The following COL5A1 variants were observed in gnomAD, a reference collection of about 807,000 sequenced individuals.
COL5A1 encodes the protein collagen type V alpha 1 chain.
Under a neutral mutation model 263.7 loss-of-function variants are expected in COL5A1, and 16 were observed. That is an observed-to-expected ratio of 0.06 (90% confidence interval 0.04 to 0.09). COL5A1 has a LOEUF of 0.09. Among genes scored for constraint, COL5A1 ranks in the 10% least tolerant of loss-of-function variants. The pLI is 1.00. For synonymous variants in COL5A1, 1,012 were observed against 1,004.5 expected (o/e 1.01, Z -0.14); for missense variants, 2,036 against 2,540.5 (o/e 0.80, Z 4.27).
In COL5A1 at chr9:134,647,653, C is replaced by A. The variant is rs1588397413; in HGVS notation, c.109+5357C>A. The stretch of plus-strand genomic sequence containing the variant: ...GGAGAGGAGGAGATGGCACGTGGAA[C>A]CTGCCGGTTGAGCGTGAGGCTGTGG... On this transcript the variant is annotated intron_variant, in intron 1 of 65. Coordinates refer to ENST00000371817, the MANE Select transcript of COL5A1 (RefSeq NM_000093.5). This position sits in a 1 kb window ranked among gnomAD's most constrained non-coding sequence, Gnocchi z 5.0. Among the ~76,000 whole-genome samples the A allele has an allele frequency of 6.6e-6, 1 of 152,300 alleles. No individual in the cohort carries two copies. The highest frequency in any genetic ancestry group is 1.9e-4 in the East Asian group (1 of 5,170).
chr9:134,656,371 A>G (rs1318897966), intron 1 of COL5A1, among the ~76,000 whole-genome samples: 2 of 152,172 alleles, frequency 1.3e-5, no homozygotes, highest in Non-Finnish European at 2.9e-5. Context: ...GGGGATGAGG[A>G]GGGAAGCAGT....
Position 134,825,764 on chromosome 9 carries a change from T to C in COL5A1, c.4955-28T>C, listed in dbSNP as rs7868111. ...AGGGAGCAATCCTTCTGACTCTGCC[T>C]GCCTCCCTCCCCGTCTCTGAAATCC... is the stretch of plus-strand genomic sequence containing the variant. On this transcript the variant is annotated intron_variant, in intron 62 of 65. Coordinates refer to ENST00000371817, the MANE Select transcript of COL5A1 (RefSeq NM_000093.5). 1,054,664 of 1,488,796 alleles carry C rather than the reference T, an allele frequency of 0.71. 374,572 individuals carry two copies. The highest frequency in any genetic ancestry group is 0.79 in the South Asian group (69,636 of 88,092). The allele number at this position is 1,488,796 out of a possible 1,614,324, so 92.2% of individuals were successfully genotyped here. A position where few individuals can be genotyped will look rare whatever the true frequency, so the allele number is the denominator to read the frequency against.
At chr9:134,735,209 CA>C (rs11288569) in intron 9 of COL5A1, among the ~76,000 whole-genome samples, 79,200 of 135,470 alleles carry the variant, frequency 0.58, 22,935 homozygotes, top group African/African-American at 0.75. Flanking sequence ...GACTCCATCT[CA>C]AAAAAAAAAA....
rs969506285 is a variant in COL5A1 at position 134,678,259 on chromosome 9, A to G, written c.110-12653A>G. Among the ~76,000 whole-genome samples, 1 of 151,180 alleles carries G rather than the reference A, an allele frequency of 6.6e-6. No homozygotes were observed. Among genetic ancestry groups the G allele is most frequent in the African/African-American group, 2.5e-5 (1 of 40,524 alleles). On this transcript the variant is annotated intron_variant, in intron 1 of 65. Transcript: ENST00000371817. This position sits in a 1 kb window ranked among gnomAD's most constrained non-coding sequence, Gnocchi z 5.5. ...AGCTTGCTCTACCTCTCTCACGCTG[A>G]GTTTCCTCATGTACCAGTGAAGGGG... is the stretch of plus-strand genomic sequence containing the variant.
At chr9:134,828,006 A>G (rs965762574) in intron 63 of COL5A1, among the ~76,000 whole-genome samples, 2 of 152,166 alleles carry the variant, frequency 1.3e-5, no homozygotes, top group East Asian at 1.9e-4. Flanking sequence ...GCTCAAGAAG[A>G]AGGCTGGGGG....
intron 11 of COL5A1, among the ~76,000 whole-genome samples, chr9:134,750,003 G>C (rs376121877): frequency 1.8e-4 from 28 of 152,312 alleles, no homozygotes; most frequent in African/African-American, 6.5e-4. Context: ...TGCTGTGGCT[G>C]AGTGTGTGCT....
intron 1 of COL5A1, chr9:134,649,587 G>A: frequency 2.3e-6 from 1 of 442,024 alleles, no homozygotes; most frequent in South Asian, 1.7e-5. Flanking sequence ...TTTTTTTTCT[G>A]TAAATAAATG....
In COL5A1 at chr9:134,760,497, C is replaced by G. The variant is rs143607699; in HGVS notation, c.1936-1428C>G. Among the ~76,000 whole-genome samples, 417 of 123,278 alleles carry G rather than the reference C, an allele frequency of 3.4e-3. 3 individuals are homozygous for G. Among genetic ancestry groups the G allele is most frequent in the Non-Finnish European group, 5.2e-3 (311 of 59,660 alleles). 80.9% of individuals were successfully genotyped at this position (123,278 alleles called of 152,430 possible). A position where few individuals can be genotyped will look rare whatever the true frequency, so the allele number is the denominator to read the frequency against. ...CATACACACATGCACACACACCACA[C>G]ATGCACACACGCATACACACCCACA... On this transcript the variant is annotated intron_variant, in intron 18 of 65. Transcript: ENST00000371817.
intron 4 of COL5A1, among the ~76,000 whole-genome samples, chr9:134,710,937 T>G (rs1588460290): frequency 1.1e-5 from 1 of 88,132 alleles, no homozygotes; most frequent in Non-Finnish European, 2.2e-5. Context: ...TTGGGTGCAG[T>G]GGTGGGGGAG....
chr9:134,656,114 A>G (rs889860967), intron 1 of COL5A1, among the ~76,000 whole-genome samples: 2 of 152,086 alleles, frequency 1.3e-5, no homozygotes, highest in African/African-American at 4.8e-5. Context: ...CTCACAGTGG[A>G]CAGGTGCAGG....
At chr9:134,687,528 A>G (rs1311871696) in intron 1 of COL5A1, among the ~76,000 whole-genome samples, 1 of 152,112 alleles carries the variant, frequency 6.6e-6, no homozygotes, top group Non-Finnish European at 1.5e-5. Flanking sequence ...CCCATAGGTG[A>G]TCCGGTCATG....
rs80205326 is a variant in COL5A1 at position 134,716,949 on chromosome 9, T to G, written c.655-10317T>G. Among the ~76,000 whole-genome samples, 7,660 of 152,220 alleles carry G rather than the reference T, an allele frequency of 0.05. 472 individuals are homozygous for G. The highest frequency in any genetic ancestry group is 0.14 in the African/African-American group (5,769 of 41,480). ...AGCAATTTCCGACGACATGAAAATA[T>G]TTCTCTGACACTCTCGTTAATAGTG... is the stretch of plus-strand genomic sequence containing the variant. On this transcript the variant is annotated intron_variant, in intron 4 of 65. Coordinates refer to ENST00000371817, the MANE Select transcript of COL5A1 (RefSeq NM_000093.5). This position sits in a 1 kb window ranked among gnomAD's most constrained non-coding sequence, Gnocchi z 4.5.
At chr9:134,727,070 T>TGGATGGATGGATGGATGGATGGATGGAC (rs139171326) in intron 4 of COL5A1, among the ~76,000 whole-genome samples, 196 bp from the exon 5 acceptor site, 4 of 151,252 alleles carry the variant, frequency 2.6e-5, no homozygotes, top group Non-Finnish European at 1.5e-5. Flanking sequence ...GATGGATGGA[T>TGGATGGATGGATGGATGGATGGATGGAC]GGATGGATGG....
At chr9:134,653,690 G>T (rs921059198) in intron 1 of COL5A1, among the ~76,000 whole-genome samples, 15 of 152,062 alleles carry the variant, frequency 9.9e-5, no homozygotes, top group Admixed American at 3.9e-4. Flanking sequence ...GTAGGGCCAG[G>T]GTTCTATAGG....
intron 4 of COL5A1, among the ~76,000 whole-genome samples, chr9:134,720,121 C>T (rs960433486): frequency 6.6e-6 from 1 of 152,166 alleles, no homozygotes; most frequent in Non-Finnish European, 1.5e-5. Context: ...AGGGCACGGC[C>T]CACTGGGCAA....
chr9:134,698,878 C>T (rs558270824), intron 2 of COL5A1, among the ~76,000 whole-genome samples: 39 of 152,360 alleles, frequency 2.6e-4, no homozygotes, highest in Middle Eastern at 6.8e-3. Flanking sequence ...CCCAGCCCTC[C>T]GTAGTGGTGC....
In COL5A1 at chr9:134,796,556, C is replaced by A; in HGVS notation, c.2844+138C>A. 9.6e-6 allele frequency: 9 copies of A among 936,404 alleles called. No individual in the cohort carries two copies. In the South Asian group the frequency reaches 1.2e-4, roughly 12 times the overall value. 58.0% of individuals were successfully genotyped at this position (936,404 alleles called of 1,614,324 possible). A position where few individuals can be genotyped will look rare whatever the true frequency, so the allele number is the denominator to read the frequency against. On this transcript the variant is annotated intron_variant, in intron 35 of 65. Transcript: ENST00000371817. ...TGAAGGGTAGGGTTTTCCTAAGATC[C>A]CAAGGGTGGGTCACGCCCTGGGAGT...
intron 18 of COL5A1, among the ~76,000 whole-genome samples, chr9:134,760,805 GAC>G (rs1314768733): frequency 1.1e-5 from 1 of 91,298 alleles, no homozygotes; most frequent in East Asian, 3.9e-4. Context: ...CATACACCCT[GAC>G]ACACCCCCAC....
intron 65 of COL5A1, among the ~76,000 whole-genome samples, chr9:134,836,972 TTTAAAAATGCCAGGGAC>T (rs1288688687): frequency 6.6e-6 from 1 of 152,206 alleles, no homozygotes; most frequent in African/African-American, 2.4e-5. Context: ...GAAAGAGGCA[TTTAAAAATGCCAGGGAC>T]CTTACCCGTC....
Sources: gnomAD v4.1 joint callset for allele counts (sites outside exome capture counted in the v4.1 genomes callset) on GRCh38, gnomAD v4.1.1 for gene constraint, Gnocchi (gnomAD v3.1) non-coding constraint, MANE v1.5 for transcripts, NCBI Gene and HGNC (gene_info 2026-07-23, HGNC 2026-07-21) for gene names.